Variants in NRXN3 observed in about 807,000 individuals in gnomAD.
NRXN3 encodes the protein neurexin 3, also known as neurexin III.
NRXN3 carries 32 observed loss-of-function variants against 137.6 expected under a neutral mutation model. That is an observed-to-expected ratio of 0.23 (90% confidence interval 0.18 to 0.31). The LOEUF (loss-of-function observed/expected upper bound fraction) is 0.31, where lower values mean the gene tolerates loss of function less well. Among genes scored for constraint, NRXN3 ranks in the 10% least tolerant of loss-of-function variants. The pLI, the probability that NRXN3 is intolerant of heterozygous loss-of-function variation, is 1.00. For synonymous variants in NRXN3, 798 were observed against 784.5 expected, an observed-to-expected ratio of 1.02 and a Z score of -0.29; for missense variants, 1,574 against 2,062.5, an observed-to-expected ratio of 0.76 and a Z score of 4.59.
intron 4 of NRXN3, among the ~76,000 whole-genome samples, chr14:78,312,989 C>G (rs926825112): frequency 2.6e-5 from 4 of 152,286 alleles, no homozygotes; most frequent in South Asian, 2.1e-4. Context: ...GTTCTATTAT[C>G]CTGTGCGCTG....
At chr14:79,245,483 A>G (rs190056256) in intron 15 of NRXN3, among the ~76,000 whole-genome samples, 16 of 152,188 alleles carry the variant, frequency 1.1e-4, no homozygotes, top group Admixed American at 6.6e-4. Flanking sequence ...ATGAGAGAGA[A>G]GAAAGAATGA....
At chr14:78,525,993 G>C (rs575655461) in intron 4 of NRXN3, among the ~76,000 whole-genome samples, 318 of 152,260 alleles carry the variant, frequency 2.1e-3, no homozygotes, top group African/African-American at 7.4e-3. Flanking sequence ...ATTCATAAGA[G>C]CCTTGCTTAC....
chr14:79,793,230 G>A (rs1331270212), intron 19 of NRXN3, among the ~76,000 whole-genome samples: 1 of 151,968 alleles, frequency 6.6e-6, no homozygotes, highest in Admixed American at 6.6e-5. Flanking sequence ...AGGAGATCGA[G>A]ACCATCCTGG....
chr14:79,218,569 G>C (rs1178311150), intron 15 of NRXN3, among the ~76,000 whole-genome samples: 1 of 152,000 alleles, frequency 6.6e-6, no homozygotes, highest in Non-Finnish European at 1.5e-5. Flanking sequence ...TAGAAGCTGG[G>C]ATAAAAAAAG....
At chr14:78,333,175 T>A (rs532860141) in intron 4 of NRXN3, among the ~76,000 whole-genome samples, 2 of 152,306 alleles carry the variant, frequency 1.3e-5, no homozygotes, top group African/African-American at 4.8e-5. Flanking sequence ...AGGCATTAGA[T>A]TGGCAGGGTC....
chr14:78,349,226 C>T lies in NRXN3; in HGVS notation c.757+51366C>T, dbSNP rs563227956. On this transcript the variant is annotated intron_variant, in intron 4 of 20. Transcript: ENST00000335750. ...TTGTGCCTGCTAACGAATATTGGTT[C>T]GAACAGCAGAGCTCTGGTGCAGGGG... 7.2e-5 allele frequency among the ~76,000 whole-genome samples: 11 copies of T among 152,312 alleles called. No homozygotes were observed. The East Asian group carries it at 1.4e-3, about 19-fold the overall frequency.
At chr14:78,221,352 A>G (rs556478348) in intron 1 of NRXN3, among the ~76,000 whole-genome samples, 4 of 152,242 alleles carry the variant, frequency 2.6e-5, no homozygotes, top group African/African-American at 9.6e-5. Context: ...GTTGGGTTGA[A>G]GTCCAGGTCG....
intron 6 of NRXN3, among the ~76,000 whole-genome samples, chr14:78,669,394 G>C (rs1038660604): frequency 6.6e-6 from 1 of 152,102 alleles, no homozygotes; most frequent in African/African-American, 2.4e-5. Context: ...ATTTTTAAGA[G>C]AGTAAAGGAA....
intron 6 of NRXN3, chr14:78,695,184 C>T (rs745711526): frequency 1.3e-5 from 2 of 151,920 alleles, no homozygotes; most frequent in Non-Finnish European, 2.9e-5. Flanking sequence ...TCTTCCTTTG[C>T]CTTCATCTTA....
At chr14:78,974,255 A>C (rs2099455492) in intron 14 of NRXN3, among the ~76,000 whole-genome samples, 1 of 152,164 alleles carries the variant, frequency 6.6e-6, no homozygotes, top group Admixed American at 6.5e-5. Flanking sequence ...ACTCAATCTG[A>C]ATGCAAGACA....
chr14:79,224,684 T>A (rs1267484338), intron 15 of NRXN3, among the ~76,000 whole-genome samples: 1 of 152,098 alleles, frequency 6.6e-6, no homozygotes, highest in Non-Finnish European at 1.5e-5. Context: ...GGGCTCTTAC[T>A]CCAATCTGAC....
chr14:79,272,412 G>C (rs2153427666), intron 15 of NRXN3, among the ~76,000 whole-genome samples: 1 of 152,122 alleles, frequency 6.6e-6, no homozygotes. Flanking sequence ...GTGGAACCTA[G>C]TTCAGAGGTA....
At chr14:78,824,964 A>T (rs1362539837) in intron 10 of NRXN3, among the ~76,000 whole-genome samples, 1 of 152,122 alleles carries the variant, frequency 6.6e-6, no homozygotes, top group African/African-American at 2.4e-5. Flanking sequence ...TAAAAATTAA[A>T]AATATAAAAG....
intron 4 of NRXN3, among the ~76,000 whole-genome samples, chr14:78,391,026 T>C (rs2090687866): frequency 6.6e-6 from 1 of 152,008 alleles, no homozygotes; most frequent in African/African-American, 2.4e-5. Flanking sequence ...AGTGAAAACA[T>C]GTGGTGTTTG....
At chr14:78,361,860 A>G (rs891949022) in intron 4 of NRXN3, among the ~76,000 whole-genome samples, 5 of 152,186 alleles carry the variant, frequency 3.3e-5, no homozygotes, top group Non-Finnish European at 5.9e-5. Flanking sequence ...AATCACATCA[A>G]GGTACTTTTC....
intron 15 of NRXN3, among the ~76,000 whole-genome samples, chr14:79,063,484 A>G (rs1239464847): frequency 6.6e-6 from 1 of 152,078 alleles, no homozygotes; most frequent in Non-Finnish European, 1.5e-5. Flanking sequence ...AGGTTTCATC[A>G]TGTTGGTCAG....
intron 11 of NRXN3, 107 bp from the exon 12 acceptor site, chr14:78,965,918 G>A: frequency 7.8e-7 from 1 of 1,278,894 alleles, no homozygotes; most frequent in South Asian, 1.4e-5. Context: ...ACCCAAGAAA[G>A]CTGAATATTC....
At chr14:78,255,512 A>G (rs1251834540) in intron 2 of NRXN3, among the ~76,000 whole-genome samples, 3 of 152,220 alleles carry the variant, frequency 2.0e-5, no homozygotes, top group East Asian at 1.9e-4. Flanking sequence ...TGTAGAATAT[A>G]TAACCAGTGG....
At chr14:79,265,907 C>T (rs1330223409) in intron 15 of NRXN3, among the ~76,000 whole-genome samples, 3 of 152,214 alleles carry the variant, frequency 2.0e-5, no homozygotes. Flanking sequence ...ACAGTAAATA[C>T]TTTGTCATCT....
Sources: gnomAD v4.1 joint callset for allele counts (sites outside exome capture counted in the v4.1 genomes callset) on GRCh38, gnomAD v4.1.1 for gene constraint, MANE v1.5 for transcripts, NCBI Gene and HGNC (gene_info 2026-07-23, HGNC 2026-07-21) for gene names.